The following BTBD9 variants were observed in gnomAD, a reference collection of about 807,000 sequenced individuals.
The protein encoded by BTBD9 is BTB domain containing 9.
BTBD9 carries 49 observed loss-of-function variants against 64.3 expected under a neutral mutation model. That is an observed-to-expected ratio of 0.76 (90% confidence interval 0.61 to 0.97). The LOEUF (loss-of-function observed/expected upper bound fraction) is 0.97. Ranked by LOEUF, BTBD9 falls within the 50% of genes least tolerant of loss-of-function variation. BTBD9 has a pLI of 0.00. For missense variants in BTBD9, 598 were observed against 762.1 expected (o/e 0.78, Z 2.53); for synonymous variants, 260 against 274.7 (o/e 0.95, Z 0.53).
At chr6:38,535,429 C>T (rs1328133658) in intron 6 of BTBD9, among the ~76,000 whole-genome samples, 4 of 152,050 alleles carry the variant, frequency 2.6e-5, no homozygotes, top group Non-Finnish European at 5.9e-5. Flanking sequence ...GTCCATATTA[C>T]CCAAAGCAAT....
chr6:38,372,129 A>G (rs1377964935), intron 6 of BTBD9, among the ~76,000 whole-genome samples: 1 of 152,216 alleles, frequency 6.6e-6, no homozygotes, highest in Non-Finnish European at 1.5e-5. Context: ...CATCAGTGCC[A>G]CATGTGCCAA....
chr6:38,425,405 G>A (rs557323044), intron 6 of BTBD9, among the ~76,000 whole-genome samples: 1 of 151,890 alleles, frequency 6.6e-6, no homozygotes, highest in Admixed American at 6.5e-5. Flanking sequence ...ATAAGTCACC[G>A]AGCCCAGCCC....
intron 6 of BTBD9, among the ~76,000 whole-genome samples, chr6:38,516,125 CAGCCCTACAAGT>C (rs139035044): frequency 0.063 from 9,574 of 152,190 alleles, 423 homozygotes; most frequent in Middle Eastern, 0.17. Flanking sequence ...TCACCTTAAT[CAGCCCTACAAGT>C]AGCCTCACCT....
chr6:38,485,504 T>G (rs1459506705), intron 6 of BTBD9, among the ~76,000 whole-genome samples: 1 of 152,238 alleles, frequency 6.6e-6, no homozygotes, highest in African/African-American at 2.4e-5. Context: ...TTAACAGGCA[T>G]GAAAACAACA....
intron 6 of BTBD9, among the ~76,000 whole-genome samples, chr6:38,501,936 T>C (rs1772220279): frequency 6.6e-6 from 1 of 152,214 alleles, no homozygotes; most frequent in South Asian, 2.1e-4. Context: ...TATTGACATA[T>C]CCTGCATAAA....
In BTBD9 at chr6:38,172,920, G is replaced by C. The variant is rs1766854365; in HGVS notation, c.*2065C>G. 6.6e-6 allele frequency: 1 copy of C among 152,324 alleles called. No individual in the cohort carries two copies. The highest frequency in any genetic ancestry group is 6.5e-5 in the Admixed American group (1 of 15,292). 9.4% of individuals were successfully genotyped at this position (152,324 alleles called of 1,614,324 possible). A position where few individuals can be genotyped will look rare whatever the true frequency, so the allele number is the denominator to read the frequency against. Reference sequence around the variant, plus strand: ...GGCTCTGCGTGCTCTGTGGGCAGGGGACTGGAGGGTTGCAGATGCAGGGCC... The same window carrying C: ...GGCTCTGCGTGCTCTGTGGGCAGGGCACTGGAGGGTTGCAGATGCAGGGCC... On this transcript the variant is annotated 3_prime_UTR_variant, in exon 11 of 11. Coordinates refer to ENST00000481247, the MANE Select transcript of BTBD9 (RefSeq NM_001099272.2).
chr6:38,288,926 CAAAAAAAG>C (rs915109378), intron 7 of BTBD9, among the ~76,000 whole-genome samples: 8 of 150,426 alleles, frequency 5.3e-5, no homozygotes, highest in Admixed American at 4.0e-4. Context: ...GACTCGTCTC[CAAAAAAAG>C]AAAAAAAGAA....
intron 6 of BTBD9, among the ~76,000 whole-genome samples, chr6:38,368,874 G>A (rs1031651565): frequency 3.9e-5 from 6 of 152,048 alleles, no homozygotes; most frequent in Non-Finnish European, 1.5e-5. Flanking sequence ...TTCACAGCTC[G>A]ATCACTAACC....
intron 6 of BTBD9, among the ~76,000 whole-genome samples, chr6:38,372,899 T>G (rs1004668962): frequency 6.6e-6 from 1 of 152,234 alleles, no homozygotes; most frequent in Non-Finnish European, 1.5e-5. Context: ...TGGCTGGACT[T>G]ATTTTTGCCC....
At chr6:38,499,196 C>G (rs923807064) in intron 6 of BTBD9, among the ~76,000 whole-genome samples, 2 of 152,028 alleles carry the variant, frequency 1.3e-5, no homozygotes, top group South Asian at 4.1e-4. Flanking sequence ...TTTGTCTCAT[C>G]CTCCTCAGCA....
At chr6:38,315,887 G>A (rs1019568904) in intron 7 of BTBD9, among the ~76,000 whole-genome samples, 2 of 152,054 alleles carry the variant, frequency 1.3e-5, no homozygotes, top group Admixed American at 6.5e-5. Flanking sequence ...CTAAATGATC[G>A]GTCCAATGCT....
rs72852653 is a variant in BTBD9 at position 38,444,499 on chromosome 6, T to C, written c.1155-99406A>G. Among the ~76,000 whole-genome samples the C allele has an allele frequency of 9.7e-3, 1,471 of 152,262 alleles. 6 individuals carry two copies. Among genetic ancestry groups the C allele is most frequent in the Middle Eastern group, 0.068 (20 of 294 alleles). ...CAAATATTAATAAGGAAAATGGTTG[T>C]TGTGAAAAAATGTAAAGTATCCTAC... On this transcript the variant is annotated intron_variant, in intron 6 of 10. Coordinates refer to ENST00000481247, the MANE Select transcript of BTBD9 (RefSeq NM_001099272.2).
chr6:38,617,824 C>G (rs527754999), intron 1 of BTBD9, among the ~76,000 whole-genome samples: 1 of 152,126 alleles, frequency 6.6e-6, no homozygotes. Context: ...GTCCCAGCAC[C>G]AACAGGAGAA....
intron 6 of BTBD9, among the ~76,000 whole-genome samples, chr6:38,390,510 C>T (rs1766363500): frequency 6.6e-6 from 1 of 152,140 alleles, no homozygotes; most frequent in African/African-American, 2.4e-5. Flanking sequence ...TCTGAAGAAA[C>T]AATAACAGCT....
At chr6:38,255,408 A>C (rs1764540636) in intron 9 of BTBD9, among the ~76,000 whole-genome samples, 1 of 152,248 alleles carries the variant, frequency 6.6e-6, no homozygotes, top group African/African-American at 2.4e-5. Context: ...GTAAAAGTGT[A>C]AATTTTATGG....
intron 6 of BTBD9, among the ~76,000 whole-genome samples, chr6:38,406,138 G>A (rs370663727): frequency 6.6e-6 from 1 of 152,170 alleles, no homozygotes; most frequent in African/African-American, 2.4e-5. Context: ...GGCAAGGGAA[G>A]ATAAGGAAAG....
In BTBD9 at chr6:38,334,260, AACTAG is replaced by A. The variant is rs148806089; in HGVS notation, c.1264+10719_1264+10723del. 5.7e-3 allele frequency among the ~76,000 whole-genome samples: 866 copies of A among 152,300 alleles called. 7 individuals are homozygous for A. Among genetic ancestry groups the A allele is most frequent in the African/African-American group, 0.02 (817 of 41,556 alleles). On this transcript the variant is annotated intron_variant, in intron 7 of 10. Transcript: ENST00000481247. ...ATGCATGAACACAGAGATTATCTGA[AACTAG>A]AACTTATATTTAACAGCTGGGCATG...
At chr6:38,274,133 T>C (rs1371967802) in intron 8 of BTBD9, among the ~76,000 whole-genome samples, 2 of 152,232 alleles carry the variant, frequency 1.3e-5, no homozygotes, top group Non-Finnish European at 2.9e-5. Context: ...TTTATTCTCT[T>C]TGAAGCAATT....
Position 38,592,255 on chromosome 6 carries a change from T to C in BTBD9, c.814+321A>G, listed in dbSNP as rs1031923658. Among the ~76,000 whole-genome samples, 4 of 152,078 alleles carry C rather than the reference T, an allele frequency of 2.6e-5. No homozygotes were observed. The East Asian group carries it at 7.7e-4, about 29-fold the overall frequency. On this transcript the variant is annotated intron_variant, in intron 4 of 10. Transcript: ENST00000481247. ...TACATAGAATGTACTCAGTATTTAT[T>C]TGATGGAGGAAGGAAGAAAAGGTCT...
Sources: allele counts gnomAD v4.1 joint callset (sites outside exome capture counted in the v4.1 genomes callset), GRCh38; gene constraint gnomAD v4.1.1; transcripts MANE v1.5; gene names NCBI Gene and HGNC (gene_info 2026-07-23, HGNC 2026-07-21).